HSPH1: variants seen among roughly 807,000 people sequenced by gnomAD.
HSPH1 encodes the protein heat shock protein family H (Hsp110) member 1, also known as heat shock protein 105 kDa.
In HSPH1, 40 loss-of-function variants were observed where a neutral mutation model predicts 100.0. The observed-to-expected ratio is 0.40, with a 90% CI of 0.31 to 0.52. The LOEUF (loss-of-function observed/expected upper bound fraction) is 0.52, where lower values mean the gene tolerates loss of function less well. Ranked by LOEUF, HSPH1 falls within the 20% of genes least tolerant of loss-of-function variation. The pLI is 0.54. For missense variants in HSPH1, 876 were observed against 1,015.1 expected, an observed-to-expected ratio of 0.86 and a Z score of 1.86; for synonymous variants, 403 against 344.0, an observed-to-expected ratio of 1.17 and a Z score of -1.90.
At chr13:31,148,977 A>T (rs919445200) in intron 8 of HSPH1, among the ~76,000 whole-genome samples, 1 of 152,152 alleles carries the variant, frequency 6.6e-6, no homozygotes, top group African/African-American at 2.4e-5. Context: ...TAGGTGGACA[A>T]TTCCCTATTT....
chr13:31,144,153 C>G (rs965988554), intron 11 of HSPH1, among the ~76,000 whole-genome samples: 1 of 152,078 alleles, frequency 6.6e-6, no homozygotes, highest in Admixed American at 6.6e-5. Context: ...TTAAATAACA[C>G]AAGTAAGCAT....
chr13:31,151,827 C>T, intron 5 of HSPH1, 85 bp from the exon 6 acceptor site: 1 of 1,174,482 alleles, frequency 8.5e-7, no homozygotes, highest in South Asian at 1.5e-5. Context: ...ATGCAGGAAG[C>T]TTGACTATTA....
chr13:31,138,438 A>G lies in HSPH1; in HGVS notation c.2339T>C (p.Val780Ala). 1 of 1,613,170 alleles carries G rather than the reference A, an allele frequency of 6.2e-7. No individual in the cohort carries two copies. Among genetic ancestry groups the G allele is most frequent in the Middle Eastern group, 1.7e-4 (1 of 6,058 alleles). ...TTTTGTTTTAATTTCCTGAGCACGTACAACTGGATCCTGATCAAGACTCTT... is the reference window on the plus strand; with the variant it reads ...TTTTGTTTTAATTTCCTGAGCACGTGCAACTGGATCCTGATCAAGACTCTT... ...AKKSLDQDPV[V>A]RAQEIKTKIK... The change falls in exon 17 of 18, where the codon GTA becomes GCA. Residue 780 changes from valine to alanine, a missense_variant. Coordinates refer to ENST00000320027, the MANE Select transcript of HSPH1 (RefSeq NM_006644.4).
intron 1 of HSPH1, among the ~76,000 whole-genome samples, chr13:31,160,784 C>T (rs1311990315): frequency 6.7e-6 from 1 of 149,682 alleles, no homozygotes; most frequent in Admixed American, 6.6e-5. Flanking sequence ...TGGCAAAGAG[C>T]AAAAAAAAAG....
intron 1 of HSPH1, 117 bp from the exon 2 acceptor site, chr13:31,158,980 C>T: frequency 1.5e-6 from 1 of 670,248 alleles, no homozygotes. Context: ...ACAAGCATAG[C>T]ACAATTTTAA....
chr13:31,141,333 T>C, intron 12 of HSPH1, 74 bp from the exon 13 acceptor site: 1 of 1,244,446 alleles, frequency 8.0e-7, no homozygotes, highest in Non-Finnish European at 1.1e-6. Context: ...AATGTCCTCA[T>C]ACTTACTGAT....
At chr13:31,148,317 T>C (rs1956344758) in intron 9 of HSPH1, 57 bp downstream of exon 9, 5 of 1,150,870 alleles carry the variant, frequency 4.3e-6, no homozygotes, top group Admixed American at 2.0e-5. Context: ...AGAGAAGTCA[T>C]TTGTTAATTT....
chr13:31,160,579 C>T (rs993967269), intron 1 of HSPH1, among the ~76,000 whole-genome samples: 2 of 152,076 alleles, frequency 1.3e-5, no homozygotes, highest in African/African-American at 4.8e-5. Flanking sequence ...TATTCTCGTC[C>T]GAAAATATCC....
chr13:31,137,225 A>T lies in HSPH1; in HGVS notation c.*93T>A. On this transcript the variant is annotated 3_prime_UTR_variant, in exon 18 of 18. Coordinates refer to ENST00000320027, the MANE Select transcript of HSPH1 (RefSeq NM_006644.4). ...CAAAATTTCTAAATATCCTTAAAAA[A>T]GAAAATATAAATAGTTTCAGTATGT... The T allele has an allele frequency of 1.2e-6, 1 of 825,932 alleles. No individual in the cohort carries two copies. The highest frequency in any genetic ancestry group is 2.0e-6 in the Non-Finnish European group (1 of 504,050). 51.2% of individuals were successfully genotyped at this position (825,932 alleles called of 1,614,324 possible). A position where few individuals can be genotyped will look rare whatever the true frequency, so the allele number is the denominator to read the frequency against.
chr13:31,156,991 A>C lies in HSPH1; in HGVS notation c.166-1337T>G, dbSNP rs368436031. ...ACAAGAAATAACTGTAAGATTGAAA[A>C]CTAAGACTTCTGAAATTATTAGCTT... On this transcript the variant is annotated intron_variant, in intron 2 of 17. Transcript: ENST00000320027. 8.0e-4 allele frequency among the ~76,000 whole-genome samples: 122 copies of C among 152,366 alleles called. 2 individuals carry two copies. The East Asian group carries it at 8.5e-3, about 11-fold the overall frequency.
rs556716775 is a variant in HSPH1 at position 31,144,827 on chromosome 13, T to C, written c.1584+736A>G. ...CCATTACTGTACATTAGAATTTTTC[T>C]AGATGAGAATAAAACTACGGTTCAG... On this transcript the variant is annotated intron_variant, in intron 11 of 17. Transcript: ENST00000320027. Among the ~76,000 whole-genome samples, 92 of 152,248 alleles carry C rather than the reference T, an allele frequency of 6.0e-4. 3 individuals carry two copies. In the East Asian group the frequency reaches 0.016, roughly 26 times the overall value.
At chr13:31,142,673 C>T (rs1018974222) in intron 12 of HSPH1, among the ~76,000 whole-genome samples, 59 of 151,974 alleles carry the variant, frequency 3.9e-4, no homozygotes, top group African/African-American at 1.2e-3. Context: ...GATGAGGAAC[C>T]GTCTCCAAAG....
chr13:31,147,152 T>C (rs188770291), intron 10 of HSPH1, among the ~76,000 whole-genome samples: 7 of 152,336 alleles, frequency 4.6e-5, no homozygotes, highest in Admixed American at 4.6e-4. Context: ...TGGGATTTTA[T>C]CTTCCACACA....
chr13:31,148,234 G>C (rs1254899532), intron 9 of HSPH1, 140 bp downstream of exon 9: 1 of 1,077,254 alleles, frequency 9.3e-7, no homozygotes, highest in African/African-American at 1.6e-5. Context: ...GAAATATTTT[G>C]GTAGATTTGG....
At chr13:31,162,308 C>T (rs182944553), upstream of HSPH1, 1 of 592,864 alleles carries the variant, frequency 1.7e-6, no homozygotes. Context: ...TTTGCAGAGA[C>T]CCCAGACACC....
At position 31,140,207 on chromosome 13, in the gene HSPH1, A is replaced by G. The variant is rs745774631; in HGVS notation, c.1957T>C (p.Tyr653His). The G allele has an allele frequency of 6.2e-6, 10 of 1,611,374 alleles. No homozygotes were observed. Among genetic ancestry groups the G allele is most frequent in the Non-Finnish European group, 7.6e-6 (9 of 1,178,480 alleles). ...YEFRDKLCGP[Y>H]EKFICEQDHQ... ...ACCTGCTCACATATAAATTTTTCAT[A>G]TGGTCCACACAGCTTGTCTCTGAAC... The change falls in exon 14 of 18, where the codon TAT (tyrosine) becomes CAT (histidine). Residue 653 changes from tyrosine (Y) to histidine (H), a missense_variant. Coordinates refer to ENST00000320027, the MANE Select transcript of HSPH1 (RefSeq NM_006644.4).
At chr13:31,158,732 T>TAAG in intron 2 of HSPH1, 74 bp downstream of exon 2, 1 of 932,198 alleles carries the variant, frequency 1.1e-6, no homozygotes, top group Non-Finnish European at 1.8e-6. Flanking sequence ...TTTACCCTCT[T>TAAG]ATATGTCTCT....
chr13:31,161,995 G>A (rs987193794), upstream of HSPH1: 3 of 1,536,066 alleles, frequency 2.0e-6, no homozygotes, highest in East Asian at 2.4e-5. Flanking sequence ...CGCCTCCACC[G>A]GCCCCTCCAC....
chr13:31,141,061 G>T, intron 13 of HSPH1, 61 bp downstream of exon 13: 1 of 1,036,958 alleles, frequency 9.6e-7, no homozygotes, highest in Non-Finnish European at 1.4e-6. Context: ...TAGAAATATA[G>T]ATATCAGGGC....
Sources: allele counts gnomAD v4.1 joint callset (sites outside exome capture counted in the v4.1 genomes callset), GRCh38; gene constraint gnomAD v4.1.1; transcripts MANE v1.5; gene names NCBI Gene and HGNC (gene_info 2026-07-23, HGNC 2026-07-21).